The following GOLGA1 variants were observed in gnomAD, a reference collection of about 807,000 sequenced individuals.
GOLGA1 encodes golgin subfamily A member 1.
A neutral mutation model predicts 119.7 loss-of-function variants in GOLGA1; 63 were observed. The observed-to-expected ratio is 0.53, with a 90% confidence interval of 0.43 to 0.65. GOLGA1 has a LOEUF of 0.65. Among genes scored for constraint, GOLGA1 ranks in the 30% least tolerant of loss-of-function variants. GOLGA1 has a pLI of 0.00. For missense variants in GOLGA1, 798 were observed against 912.8 expected (o/e 0.87, Z 1.62); for synonymous variants, 318 against 333.4 (o/e 0.95, Z 0.50).
At chr9:124,921,376 A>G (rs996635830) in intron 9 of GOLGA1, 136 bp from the exon 10 acceptor site, 3 of 656,288 alleles carry the variant, frequency 4.6e-6, no homozygotes, top group Non-Finnish European at 8.1e-6. Context: ...TTTTCAACGG[A>G]AAAAGCCTCG....
chr9:124,881,225 C>G lies in GOLGA1; in HGVS notation c.2169G>C (p.Leu723Phe), dbSNP rs756757460. The G allele has an allele frequency of 6.2e-7, 1 of 1,605,142 alleles. No homozygotes were observed. Among genetic ancestry groups the G allele is most frequent in the East Asian group, 2.2e-5 (1 of 44,842 alleles). Residue 723 changes from leucine to phenylalanine, a missense_variant, in exon 22 of 23, where the codon TTG (leucine) becomes TTC (phenylalanine). Physicochemically the swap from Leu to Phe is conservative, Grantham distance 22. Coordinates refer to ENST00000373555, the MANE Select transcript of GOLGA1 (RefSeq NM_002077.4). The surrounding 1 kb of genome is among the most constrained non-coding windows in gnomAD (Gnocchi z 4.9). Reference sequence around the variant, plus strand: ...TCTCCTCCTCTTGGGAAAAGTTCAGCAACACTGACACAGCTTTTATAAGAT... The same window carrying G: ...TCTCCTCCTCTTGGGAAAAGTTCAGGAACACTGACACAGCTTTTATAAGAT... ...AFHLIKAVSVLLNFSQEEENM... is the reference protein window; with the variant it reads ...AFHLIKAVSVFLNFSQEEENM...
chr9:124,887,559 T>C (rs970024318), intron 19 of GOLGA1: 4 of 152,226 alleles, frequency 2.6e-5, no homozygotes, highest in African/African-American at 4.8e-5. Context: ...TTCTGTATTT[T>C]ATATTAGACA....
At chr9:124,926,493 G>T (rs766242518) in intron 7 of GOLGA1, among the ~76,000 whole-genome samples, 1 of 152,094 alleles carries the variant, frequency 6.6e-6, no homozygotes, top group Non-Finnish European at 1.5e-5. Flanking sequence ...GAAGAGAGGA[G>T]GAGTGCAGAG....
chr9:124,892,553 C>T (rs1829879415), intron 15 of GOLGA1, among the ~76,000 whole-genome samples: 1 of 152,172 alleles, frequency 6.6e-6, no homozygotes, highest in Admixed American at 6.5e-5. Flanking sequence ...TCTCAGCTCA[C>T]TGTGTGAGCC....
In GOLGA1 at chr9:124,879,404, G is replaced by C. The variant is rs550934450; in HGVS notation, c.*1126C>G. On this transcript the variant is annotated 3_prime_UTR_variant, in exon 23 of 23. Coordinates refer to ENST00000373555, the MANE Select transcript of GOLGA1 (RefSeq NM_002077.4). Reference sequence around the variant, plus strand: ...CAAGTGCTGCAGCCAGCTGGGCGCCGTCTGGGTGTAGTGTCATTTTAAGTA... The same window carrying C: ...CAAGTGCTGCAGCCAGCTGGGCGCCCTCTGGGTGTAGTGTCATTTTAAGTA... 3 of 152,008 alleles carry C rather than the reference G, an allele frequency of 2.0e-5. No homozygotes were observed. The highest frequency in any genetic ancestry group is 4.1e-4 in the South Asian group (2 of 4,822). The allele number at this position is 152,008 out of a possible 1,614,324, so 9.4% of individuals were successfully genotyped here.
At chr9:124,903,768 A>G (rs1830159269) in intron 12 of GOLGA1, among the ~76,000 whole-genome samples, 1 of 151,918 alleles carries the variant, frequency 6.6e-6, no homozygotes, top group Non-Finnish European at 1.5e-5. Flanking sequence ...AAAAAGGAAT[A>G]GGCCAGGCAC....
rs565039969 is a variant in GOLGA1, at chr9:124,921,185, G to T, written c.787C>A (p.Gln263Lys). ...GAESKITALE[Q>K]KEQELQALIQ... is the part of the protein sequence containing the mutation. The stretch of plus-strand genomic sequence containing the variant: ...AGTGCTTGGAGCTCTTGTTCCTTTT[G>T]TTCCAGGGCTGTGATCTTACTTTCT... Residue 263 changes from glutamine to lysine, a missense_variant, in exon 10 of 23, where the codon CAA becomes AAA. Gln to Lys is a moderately conservative substitution (Grantham distance 53). Transcript: ENST00000373555. The T allele has an allele frequency of 1.7e-5, 27 of 1,613,346 alleles. No individual in the cohort carries two copies. In the East Asian group the frequency reaches 2.2e-4, roughly 13 times the overall value.
At chr9:124,902,354 C>T (rs1371309476) in intron 12 of GOLGA1, among the ~76,000 whole-genome samples, 2 of 151,750 alleles carry the variant, frequency 1.3e-5, no homozygotes, top group African/African-American at 4.8e-5. Flanking sequence ...CCTCATGATC[C>T]GCCTGCCTTG....
At position 124,900,217 on chromosome 9, in the gene GOLGA1, G is replaced by T. The variant is rs41309332; in HGVS notation, c.1161+235C>A. 2.6e-3 allele frequency: 966 copies of T among 367,920 alleles called. 2 individuals carry two copies. Among genetic ancestry groups the T allele is most frequent in the Non-Finnish European group, 3.8e-3 (759 of 201,384 alleles). The allele number at this position is 367,920 out of a possible 1,614,324, so 22.8% of individuals were successfully genotyped here. ...CCAGGACCAGGCTGGACCAGAAGGT[G>T]GGATGTAAGGTGGAAAGGAGCTGCT... is the stretch of plus-strand genomic sequence containing the variant. On this transcript the variant is annotated intron_variant, in intron 13 of 22. Coordinates refer to ENST00000373555, the MANE Select transcript of GOLGA1 (RefSeq NM_002077.4).
chr9:124,901,937 G>A (rs1830113729), intron 12 of GOLGA1, among the ~76,000 whole-genome samples: 1 of 152,208 alleles, frequency 6.6e-6, no homozygotes, highest in South Asian at 2.1e-4. Flanking sequence ...TGGGCACGAG[G>A]CCAGTGCCGT....
At chr9:124,894,041 C>T (rs1448346716) in intron 15 of GOLGA1, among the ~76,000 whole-genome samples, 2 of 152,334 alleles carry the variant, frequency 1.3e-5, no homozygotes, top group South Asian at 2.1e-4. Context: ...TTCTTCCCAG[C>T]GTTGCCAACA....
chr9:124,917,899 C>T (rs1338107562), intron 10 of GOLGA1, among the ~76,000 whole-genome samples: 1 of 152,006 alleles, frequency 6.6e-6, no homozygotes, highest in East Asian at 1.9e-4. Context: ...TTTGCCCAGG[C>T]TGGAGTGCAA....
chr9:124,895,948 A>G (rs827431), intron 15 of GOLGA1, among the ~76,000 whole-genome samples: 51,195 of 149,572 alleles, frequency 0.34, 9,317 homozygotes, highest in Middle Eastern at 0.46. Flanking sequence ...GAGACCCTCT[A>G]TAACAGAGAA....
Position 124,939,550 on chromosome 9 carries a change from C to CTTTTTTTTT in GOLGA1, c.-156+547_-156+555dup, listed in dbSNP as rs3051147. Among the ~76,000 whole-genome samples the CTTTTTTTTT allele has an allele frequency of 1.7e-3, 138 of 81,868 alleles. 1 individual carries two copies. Among genetic ancestry groups the CTTTTTTTTT allele is most frequent in the East Asian group, 2.4e-3 (8 of 3,338 alleles). The allele number at this position is 81,868 out of a possible 152,430, so 53.7% of individuals were successfully genotyped here. A position where few individuals can be genotyped will look rare whatever the true frequency, so the allele number is the denominator to read the frequency against. ...TCCAATGAGTTTATTTTCTTTCTTT[C>CTTTTTTTTT]TTTTTTTTTTTTTTTTTTTTTTTTT... On this transcript the variant is annotated intron_variant, in intron 2 of 22. Transcript: ENST00000373555.
chr9:124,890,319 ACGGCAGGATGGGCCTGCTGCCTGT>A, intron 16 of GOLGA1, 46 bp downstream of exon 16: 1 of 1,048,644 alleles, frequency 9.5e-7, no homozygotes, highest in Non-Finnish European at 1.5e-6. Flanking sequence ...CAACAGTCTC[ACGGCAGGATGGGCCTGCTGCCTGT>A]GGGACTGCAG....
chr9:124,933,443 C>T (rs893464341), intron 3 of GOLGA1, among the ~76,000 whole-genome samples: 5 of 150,010 alleles, frequency 3.3e-5, no homozygotes, highest in Admixed American at 2.0e-4. Context: ...TTTATTTAGA[C>T]AGAGTCTCGC....
At chr9:124,883,888 A>G (rs1829652575) in intron 19 of GOLGA1, among the ~76,000 whole-genome samples, 1 of 151,946 alleles carries the variant, frequency 6.6e-6, no homozygotes, top group Non-Finnish European at 1.5e-5. Flanking sequence ...ACGCCTGGCT[A>G]ATTTTCTTTG....
At chr9:124,942,390 A>G (rs1199006363), upstream of GOLGA1, among the ~76,000 whole-genome samples, 1 of 152,182 alleles carries the variant, frequency 6.6e-6, no homozygotes, top group Non-Finnish European at 1.5e-5. Flanking sequence ...CACAAGCCCA[A>G]GAATAAGCAG....
At chr9:124,883,608 C>T (rs748619913) in intron 19 of GOLGA1, among the ~76,000 whole-genome samples, 9 of 151,582 alleles carry the variant, frequency 5.9e-5, no homozygotes, top group Middle Eastern at 3.5e-3. Flanking sequence ...CCACCACGCC[C>T]GGCTAATTTT....
Sources: allele counts gnomAD v4.1 joint callset (sites outside exome capture counted in the v4.1 genomes callset), GRCh38; gene constraint gnomAD v4.1.1; non-coding constraint Gnocchi (gnomAD v3.1); transcripts MANE v1.5; gene names NCBI Gene and HGNC (gene_info 2026-07-23, HGNC 2026-07-21).